The following EML6 variants were observed in gnomAD, a reference collection of about 807,000 sequenced individuals.
The protein encoded by EML6 is EMAP like 6, also known as echinoderm microtubule-associated protein-like 6.
A neutral mutation model predicts 240.1 loss-of-function variants in EML6; 154 were observed. The ratio of observed to expected loss-of-function variants is 0.64; its 90% confidence interval spans 0.56 to 0.73. EML6 has a LOEUF of 0.73. EML6 is among the 30% of genes least tolerant of loss of function. The pLI, the probability that EML6 is intolerant of heterozygous loss-of-function variation, is 0.00. For synonymous variants in EML6, 1,148 were observed against 899.0 expected, an observed-to-expected ratio of 1.28 and a Z score of -4.95; for missense variants, 2,964 against 2,474.6, an observed-to-expected ratio of 1.20 and a Z score of -4.20.
Position 54,894,615 on chromosome 2 carries a change from G to A in EML6, c.2743-300G>A, listed in dbSNP as rs373169026. Among the ~76,000 whole-genome samples the A allele has an allele frequency of 8.0e-4, 121 of 151,956 alleles. 1 individual carries two copies. Among genetic ancestry groups the A allele is most frequent in the African/African-American group, 2.6e-3 (108 of 41,234 alleles). ...TCCATTCTGTAGGAACCACATTCTG[G>A]TTGGGAGACTGGGCACAAGCAGAGC... On this transcript the variant is annotated intron_variant, in intron 19 of 41. Coordinates refer to ENST00000356458, the MANE Select transcript of EML6 (RefSeq NM_001039753.4).
Position 54,967,110 on chromosome 2 carries a change from G to A in EML6, c.5597+7G>A. On this transcript the variant is annotated splice_region_variant and intron_variant, in intron 39 of 41. Transcript: ENST00000356458. ...CCTGGGCCTCCTGGACAAGGTGACT[G>A]ACTGGAAGAAAAAACTTGAGGAAAA... 6.5e-7 allele frequency: 1 copy of A among 1,542,656 alleles called. No homozygotes were observed. The highest frequency in any genetic ancestry group is 8.8e-7 in the Non-Finnish European group (1 of 1,139,184).
chr2:54,734,386 A>T (rs762713163), intron 2 of EML6, among the ~76,000 whole-genome samples: 1 of 152,252 alleles, frequency 6.6e-6, no homozygotes, highest in African/African-American at 2.4e-5. Context: ...TTCACTTCTC[A>T]TAAGAGACTG....
At position 54,942,044 on chromosome 2, in the gene EML6, A is replaced by G. The variant is rs1675457302; in HGVS notation, c.4005-6838A>G. Among the ~76,000 whole-genome samples, 4 of 152,252 alleles carry G rather than the reference A, an allele frequency of 2.6e-5. No homozygotes were observed. The South Asian group carries it at 8.3e-4, about 31-fold the overall frequency. On this transcript the variant is annotated intron_variant, in intron 28 of 41. Transcript: ENST00000356458. Reference sequence around the variant, plus strand: ...TTCGTTGATTTTTTTCTAAGTGAATATGATGCTATTTTCATAAATGATTTT... The same window carrying G: ...TTCGTTGATTTTTTTCTAAGTGAATGTGATGCTATTTTCATAAATGATTTT...
intron 26 of EML6, among the ~76,000 whole-genome samples, chr2:54,927,085 T>C (rs182234688): frequency 6.6e-6 from 1 of 152,310 alleles, no homozygotes; most frequent in Admixed American, 6.5e-5. Flanking sequence ...CATGTTCAAA[T>C]GGGTTTTTCT....
rs1682860321 is a variant in EML6 at position 54,725,283 on chromosome 2, G to A, written c.197+25G>A. The A allele has an allele frequency of 1.4e-6, 2 of 1,388,032 alleles. No individual in the cohort carries two copies. The highest frequency in any genetic ancestry group is 9.5e-7 in the Non-Finnish European group (1 of 1,058,166). The allele number at this position is 1,388,032 out of a possible 1,614,324, so 86.0% of individuals were successfully genotyped here. ...GGTAAGGGGGTGGCCAGGGGCGGCG[G>A]GGAGGGGTTGCGTGTGGAGGCTGGG... On this transcript the variant is annotated intron_variant, in intron 2 of 41. Coordinates refer to ENST00000356458, the MANE Select transcript of EML6 (RefSeq NM_001039753.4). This position sits in a 1 kb window ranked among gnomAD's most constrained non-coding sequence, Gnocchi z 4.3.
chr2:54,950,604 C>G, intron 29 of EML6, 46 bp from the exon 30 acceptor site: 1 of 1,546,678 alleles, frequency 6.5e-7, no homozygotes, highest in Non-Finnish European at 8.7e-7. Context: ...CTCGGCTCTC[C>G]CTTCCTTCCT....
At chr2:54,894,181 G>A (rs1672635424) in intron 19 of EML6, among the ~76,000 whole-genome samples, 1 of 146,776 alleles carries the variant, frequency 6.8e-6, no homozygotes. Flanking sequence ...AGAAAGCAGT[G>A]AATTACTCAG....
At chr2:54,843,734 T>C (rs956730137) in intron 7 of EML6, among the ~76,000 whole-genome samples, 2 of 151,526 alleles carry the variant, frequency 1.3e-5, no homozygotes, top group Admixed American at 6.6e-5. Flanking sequence ...TCCCAGCTAC[T>C]TGGGAGGCTG....
intron 2 of EML6, among the ~76,000 whole-genome samples, chr2:54,758,671 T>C (rs1667845227): frequency 6.6e-6 from 1 of 152,196 alleles, no homozygotes; most frequent in Non-Finnish European, 1.5e-5. Context: ...GACAGGATCA[T>C]GTTATCTTGT....
At chr2:54,871,078 T>C (rs1042733956) in intron 15 of EML6, among the ~76,000 whole-genome samples, 2 of 152,186 alleles carry the variant, frequency 1.3e-5, no homozygotes, top group Non-Finnish European at 1.5e-5. Flanking sequence ...CCAGGCCTTC[T>C]TCTGGTGGGT....
intron 3 of EML6, among the ~76,000 whole-genome samples, chr2:54,815,711 A>T (rs1668052318): frequency 6.6e-6 from 1 of 152,238 alleles, no homozygotes; most frequent in African/African-American, 2.4e-5. Flanking sequence ...GATGTGTGTT[A>T]TATTAAAAAT....
intron 24 of EML6, among the ~76,000 whole-genome samples, chr2:54,908,767 A>G (rs1203090312): frequency 6.6e-6 from 1 of 152,188 alleles, no homozygotes; most frequent in Non-Finnish European, 1.5e-5. Context: ...TCATCCCTGT[A>G]GGCACCAACT....
At chr2:54,914,123 T>C (rs1673783226) in intron 25 of EML6, among the ~76,000 whole-genome samples, 1 of 152,234 alleles carries the variant, frequency 6.6e-6, no homozygotes. Context: ...AGAAATGCTT[T>C]GACTATTCAG....
intron 30 of EML6, 71 bp from the exon 31 acceptor site, chr2:54,952,523 C>T (rs1026293202): frequency 1.0e-5 from 9 of 887,080 alleles, no homozygotes; most frequent in African/African-American, 5.0e-5. Context: ...TGGCTCCACG[C>T]GATGTTTTGA....
At chr2:54,883,396 A>G (rs552492716) in intron 17 of EML6, among the ~76,000 whole-genome samples, 1 of 152,272 alleles carries the variant, frequency 6.6e-6, no homozygotes, top group African/African-American at 2.4e-5. Context: ...ATATGTATCA[A>G]ACATTCATCA....
intron 2 of EML6, among the ~76,000 whole-genome samples, chr2:54,755,387 C>G (rs1684354943): frequency 6.6e-6 from 1 of 152,140 alleles, no homozygotes; most frequent in Non-Finnish European, 1.5e-5. Flanking sequence ...CTGTCAATTT[C>G]CATTAAAAAC....
rs1677005635 is a variant in EML6, at chr2:54,971,385, C to CACTGAAA, written c.*1290_*1291insACTGAAA. ...GTGCTCACTGAAAGGAGAGTTGGTG[C>CACTGAAA]GGGACTGGTGGTTCTGAGCACATAG... is the stretch of plus-strand genomic sequence containing the variant. On this transcript the variant is annotated 3_prime_UTR_variant, in exon 42 of 42. Coordinates refer to ENST00000356458, the MANE Select transcript of EML6 (RefSeq NM_001039753.4). 1 of 152,174 alleles carries CACTGAAA rather than the reference C, an allele frequency of 6.6e-6. No individual in the cohort carries two copies. Among genetic ancestry groups the CACTGAAA allele is most frequent in the Non-Finnish European group, 1.5e-5 (1 of 68,044 alleles). 9.4% of individuals were successfully genotyped at this position (152,174 alleles called of 1,614,324 possible).
intron 28 of EML6, among the ~76,000 whole-genome samples, chr2:54,937,820 G>A (rs1675227212): frequency 6.6e-6 from 1 of 152,108 alleles, no homozygotes; most frequent in African/African-American, 2.4e-5. Context: ...ATCAAACTTT[G>A]TGCATTAATT....
intron 2 of EML6, among the ~76,000 whole-genome samples, chr2:54,797,167 A>AAAAAAAAAAC (rs1669838347): frequency 5.3e-5 from 6 of 114,088 alleles, no homozygotes; most frequent in South Asian, 3.1e-4. Flanking sequence ...TCCATCTCAA[A>AAAAAAAAAAC]AAAAAAAAAA....
Sources: allele counts gnomAD v4.1 joint callset (sites outside exome capture counted in the v4.1 genomes callset), GRCh38; gene constraint gnomAD v4.1.1; non-coding constraint Gnocchi (gnomAD v3.1); transcripts MANE v1.5; gene names NCBI Gene and HGNC (gene_info 2026-07-23, HGNC 2026-07-21).